The following GBP2 variants were observed in gnomAD, a reference collection of about 807,000 sequenced individuals.
GBP2 encodes the protein guanylate-binding protein 2.
A neutral mutation model predicts 60.8 loss-of-function variants in GBP2; 54 were observed. That is an observed-to-expected ratio of 0.89 (90% confidence interval 0.71 to 1.11). The LOEUF is 1.11. Among genes scored for constraint, GBP2 ranks in the 50% most tolerant of loss-of-function variants. The probability of loss-of-function intolerance (pLI) is 0.00; values close to 1 mark genes in which losing one functional copy is unlikely to be tolerated. For missense variants in GBP2, 665 were observed against 703.3 expected, an observed-to-expected ratio of 0.95 and a Z score of 0.62; for synonymous variants, 243 against 256.5, an observed-to-expected ratio of 0.95 and a Z score of 0.50.
At chr1:89,116,896 A>G in intron 6 of GBP2, 96 bp downstream of exon 6, 2 of 1,231,424 alleles carry the variant, frequency 1.6e-6, no homozygotes, top group African/African-American at 1.5e-5. Flanking sequence ...TAGACTATGC[A>G]TTTGTCAGAA....
intron 3 of GBP2, among the ~76,000 whole-genome samples, chr1:89,120,883 A>G (rs1044228951): frequency 6.6e-6 from 1 of 152,210 alleles, no homozygotes; most frequent in Non-Finnish European, 1.5e-5. Context: ...AAAACATTTT[A>G]CTATAATATG....
chr1:89,116,261 ACCTCAGCCCCCCAAAG>A (rs1681270423), intron 6 of GBP2, among the ~76,000 whole-genome samples: 1 of 151,878 alleles, frequency 6.6e-6, no homozygotes, highest in Non-Finnish European at 1.5e-5. Context: ...TGATTCACCC[ACCTCAGCCCCCCAAAG>A]TTCTGGGATT....
At chr1:89,123,922 T>C (rs1681461421) in intron 1 of GBP2, among the ~76,000 whole-genome samples, 1 of 152,236 alleles carries the variant, frequency 6.6e-6, no homozygotes, top group Admixed American at 6.5e-5. Flanking sequence ...TCCAATCTTG[T>C]TAGTTTCTAG....
chr1:89,112,859 T>G, intron 7 of GBP2, 175 bp from the exon 8 acceptor site: 2 of 595,510 alleles, frequency 3.4e-6, no homozygotes, highest in Non-Finnish European at 6.0e-6. Context: ...TTGCAGAAAT[T>G]TATCTACTTC....
At chr1:89,115,722 T>G (rs1487092171) in intron 6 of GBP2, among the ~76,000 whole-genome samples, 1 of 152,160 alleles carries the variant, frequency 6.6e-6, no homozygotes, top group Non-Finnish European at 1.5e-5. Flanking sequence ...TGCCTCAGCC[T>G]CCTGAGTAGC....
chr1:89,118,547 C>G (rs1053899734), intron 4 of GBP2: 1 of 151,690 alleles, frequency 6.6e-6, no homozygotes. Context: ...GATATAGTAT[C>G]GTTTTTTGTT....
chr1:89,116,213 A>G (rs1681268845), intron 6 of GBP2, among the ~76,000 whole-genome samples: 1 of 151,874 alleles, frequency 6.6e-6, no homozygotes. Context: ...GGGTTTCCCC[A>G]TGTTGCCCAG....
intron 7 of GBP2, chr1:89,113,154 A>T (rs1681198050): frequency 1.2e-5 from 2 of 162,568 alleles, no homozygotes; most frequent in Non-Finnish European, 2.7e-5. Context: ...ATATGAGGTG[A>T]TGTAAAGTAT....
Position 89,112,501 on chromosome 1 carries a change from A to G in GBP2, c.1333T>C (p.Tyr445His), listed in dbSNP as rs1162164993. 5 of 1,614,130 alleles carry G rather than the reference A, an allele frequency of 3.1e-6. No individual in the cohort carries two copies. The highest frequency in any genetic ancestry group is 4.2e-6 in the Non-Finnish European group (5 of 1,179,998). Reference sequence around the variant, plus strand: ...ATCCCCTTCCTTGGCACCTGGTAGTACTTATTCTTCAGCTCCTGCAGCTTC... The same window carrying G: ...ATCCCCTTCCTTGGCACCTGGTAGTGCTTATTCTTCAGCTCCTGCAGCTTC... ...TQKLQELKNK[Y>H]YQVPRKGIQA... The change falls in exon 8 of 11, where the codon TAC becomes CAC. Residue 445 changes from tyrosine to histidine, a missense_variant. Physicochemically the swap from Tyr to His is moderately conservative, Grantham distance 83. Coordinates refer to ENST00000370466, the MANE Select transcript of GBP2 (RefSeq NM_004120.5).
intron 1 of GBP2, among the ~76,000 whole-genome samples, chr1:89,124,043 A>C (rs1681463276): frequency 6.6e-6 from 1 of 152,204 alleles, no homozygotes; most frequent in African/African-American, 2.4e-5. Flanking sequence ...GTCTTTCCCT[A>C]TCAGTTCGTA....
At chr1:89,113,139 G>C (rs1681197651) in intron 7 of GBP2, 1 of 169,792 alleles carries the variant, frequency 5.9e-6, no homozygotes, top group South Asian at 1.5e-4. Flanking sequence ...TTTCTCTGCA[G>C]GGTTATATGA....
At position 89,110,227 on chromosome 1, in the gene GBP2, C is replaced by A. The variant is rs1681136199; in HGVS notation, c.1402G>T (p.Asp468Tyr). Residue 468 changes from aspartate (D) to tyrosine (Y), a missense_variant, in exon 9 of 11, where the codon GAT (aspartate) becomes TAT (tyrosine). Asp to Tyr is a radical substitution (Grantham distance 160). Coordinates refer to ENST00000370466, the MANE Select transcript of GBP2 (RefSeq NM_004120.5). The stretch of plus-strand genomic sequence containing the variant: ...GTCTGTAGAAGTGCATCAGCCACAT[C>A]CTCCTTGGACTCCAAATATTTTTTC... The part of the protein sequence containing the change: ...VLKKYLESKE[D>Y]VADALLQTDQ... The A allele has an allele frequency of 6.2e-7, 1 of 1,613,680 alleles. No homozygotes were observed. The highest frequency in any genetic ancestry group is 1.3e-5 in the African/African-American group (1 of 74,866).
chr1:89,108,113 G>T lies in GBP2; in HGVS notation c.*62C>A. The T allele has an allele frequency of 1.2e-6, 1 of 821,286 alleles. No homozygotes were observed. Among genetic ancestry groups the T allele is most frequent in the Non-Finnish European group, 2.1e-6 (1 of 484,748 alleles). 50.9% of individuals were successfully genotyped at this position (821,286 alleles called of 1,614,324 possible). A position where few individuals can be genotyped will look rare whatever the true frequency, so the allele number is the denominator to read the frequency against. On this transcript the variant is annotated 3_prime_UTR_variant, in exon 11 of 11. Transcript: ENST00000370466. ...GGCAGTTGTTTGACACTCTGAAGTT[G>T]CTCATTCATGTTGTTTCTTGGGGAG...
chr1:89,121,892 T>G lies in GBP2; in HGVS notation c.75A>C (p.Pro25=). The G allele has an allele frequency of 6.2e-7, 1 of 1,614,122 alleles. No individual in the cohort carries two copies. The highest frequency in any genetic ancestry group is 8.5e-7 in the Non-Finnish European group (1 of 1,179,988). ...DNTKGQLVVN[P]EALKILSAIT... Reference sequence around the variant, plus strand: ...TTGCAGATAGGATCTTCAGAGCTTCTGGATTCACCACCAGCTGCCCTTTAG... The same window carrying G: ...TTGCAGATAGGATCTTCAGAGCTTCGGGATTCACCACCAGCTGCCCTTTAG... Residue 25 remains proline (P), a synonymous_variant, in exon 2 of 11, where the codon CCA becomes CCC. Coordinates refer to ENST00000370466, the MANE Select transcript of GBP2 (RefSeq NM_004120.5).
chr1:89,109,885 T>G lies in GBP2; in HGVS notation c.1466-15A>C. The G allele has an allele frequency of 6.2e-7, 1 of 1,601,630 alleles. No individual in the cohort carries two copies. Among genetic ancestry groups the G allele is most frequent in the Non-Finnish European group, 8.5e-7 (1 of 1,174,370 alleles). ...TATACGTTCCACTGTGGAAGAAAAA[T>G]AAGCAGAAAAAGATATGAATATTCA... is the stretch of plus-strand genomic sequence containing the variant. On this transcript the variant is annotated splice_polypyrimidine_tract_variant and intron_variant, in intron 9 of 10. Coordinates refer to ENST00000370466, the MANE Select transcript of GBP2 (RefSeq NM_004120.5).
chr1:89,108,322 C>T (rs760177412), intron 10 of GBP2, 31 bp from the exon 11 acceptor site: 1 of 1,352,856 alleles, frequency 7.4e-7, no homozygotes, highest in East Asian at 2.3e-5. Flanking sequence ...TAAGCCTATC[C>T]AGCTTAACAC....
At chr1:89,117,471 A>T in intron 5 of GBP2, 106 bp downstream of exon 5, 1 of 1,104,752 alleles carries the variant, frequency 9.1e-7, no homozygotes, top group Non-Finnish European at 1.3e-6. Flanking sequence ...CAGAACAGTC[A>T]GAAAAATACA....
At position 89,112,565 on chromosome 1, in the gene GBP2, T is replaced by C. The variant is rs1380281231; in HGVS notation, c.1269A>G (p.Gly423=). 1.9e-6 allele frequency: 3 copies of C among 1,614,142 alleles called. No homozygotes were observed. The highest frequency in any genetic ancestry group is 1.3e-5 in the African/African-American group (1 of 75,048). Reference sequence around the variant, plus strand: ...GGTAACCTCCTGGTTTAGAAAATGTTCCCTGCTTGACATCTTCTTCTAAAG... The same window carrying C: ...GGTAACCTCCTGGTTTAGAAAATGTCCCCTGCTTGACATCTTCTTCTAAAG... ...FGPLEEDVKQ[G]TFSKPGGYRL... The change falls in exon 8 of 11, where the codon GGA becomes GGG. Residue 423 remains glycine, a synonymous_variant. Transcript: ENST00000370466.
At chr1:89,116,206 T>C (rs1681268637) in intron 6 of GBP2, among the ~76,000 whole-genome samples, 11 of 151,870 alleles carry the variant, frequency 7.2e-5, no homozygotes, top group Admixed American at 7.2e-4. Context: ...AGAGGAAGGG[T>C]TTCCCCATGT....
Sources: allele counts gnomAD v4.1 joint callset (sites outside exome capture counted in the v4.1 genomes callset), GRCh38; gene constraint gnomAD v4.1.1; transcripts MANE v1.5; gene names NCBI Gene and HGNC (gene_info 2026-07-23, HGNC 2026-07-21).